The following F2 variants were observed in gnomAD, a reference collection of about 807,000 sequenced individuals.
F2 encodes prothrombin.
A neutral mutation model predicts 81.9 loss-of-function variants in F2; 34 were observed. That is an observed-to-expected ratio of 0.42 (90% CI 0.32 to 0.55). The LOEUF (loss-of-function observed/expected upper bound fraction) is 0.55, where lower values mean the gene tolerates loss of function less well. Ranked by LOEUF, F2 falls within the 20% of genes least tolerant of loss-of-function variation. The pLI is 0.18. For missense variants in F2, 630 were observed against 833.4 expected (o/e 0.76, Z 3.00); for synonymous variants, 296 against 326.4 (o/e 0.91, Z 1.01).
chr11:46,721,168 C>CA (rs904767518), intron 4 of F2, among the ~76,000 whole-genome samples: 25 of 151,420 alleles, frequency 1.7e-4, no homozygotes, highest in African/African-American at 5.8e-4. Flanking sequence ...CTCAACCTCC[C>CA]AAGTAGCTGG....
chr11:46,719,938 C>A lies in F2; in HGVS notation c.240+76C>A. On this transcript the variant is annotated intron_variant, in intron 2 of 13. Transcript: ENST00000311907. The surrounding 1 kb of genome is among the most constrained non-coding windows in gnomAD (Gnocchi z 4.7). ...CTAGACACTTCCACAGAGAAGCAAG[C>A]GAGGAACGCCACAGCCCCTTCGCTG... 3 of 1,518,082 alleles carry A rather than the reference C, an allele frequency of 2.0e-6. No individual in the cohort carries two copies. The highest frequency in any genetic ancestry group is 2.7e-6 in the Non-Finnish European group (3 of 1,129,308). The allele number at this position is 1,518,082 out of a possible 1,614,324, so 94.0% of individuals were successfully genotyped here. A position where few individuals can be genotyped will look rare whatever the true frequency, so the allele number is the denominator to read the frequency against.
At chr11:46,731,314 G>A (rs1369146693) in intron 12 of F2, among the ~76,000 whole-genome samples, 1 of 150,872 alleles carries the variant, frequency 6.6e-6, no homozygotes, top group Non-Finnish European at 1.5e-5. Flanking sequence ...GGAATTACAG[G>A]TGCCTGCCAC....
rs763811997 is a variant in F2, at chr11:46,719,285, C to T, written c.50C>T (p.Ala17Val). The change falls in exon 1 of 14, where the codon GCC becomes GTC. Residue 17 changes from alanine (A) to valine (V), a missense_variant. Physicochemically the swap from Ala to Val is moderately conservative, Grantham distance 64. Transcript: ENST00000311907. This position sits in a 1 kb window ranked among gnomAD's most constrained non-coding sequence, Gnocchi z 4.7. ...LQLPGCLALA[A>V]LCSLVHSQHV... ...CTGCCTGGCTGCCTGGCCCTGGCTGCCCTGTGTAGCCTTGTGCACAGCCAG... is the reference window on the plus strand; with the variant it reads ...CTGCCTGGCTGCCTGGCCCTGGCTGTCCTGTGTAGCCTTGTGCACAGCCAG... 3 of 1,613,410 alleles carry T rather than the reference C, an allele frequency of 1.9e-6. No individual in the cohort carries two copies. Among genetic ancestry groups the T allele is most frequent in the South Asian group, 1.1e-5 (1 of 91,026 alleles).
chr11:46,725,614 G>A (rs1249049240), intron 6 of F2, among the ~76,000 whole-genome samples: 1 of 152,078 alleles, frequency 6.6e-6, no homozygotes, highest in Non-Finnish European at 1.5e-5. Context: ...GGCCAAACCT[G>A]GTTACTATCT....
rs2134528442 is a variant in F2 at position 46,723,590 on chromosome 11, G to A, written c.559+72G>A. On this transcript the variant is annotated intron_variant, in intron 6 of 13. Transcript: ENST00000311907. The surrounding 1 kb of genome is among the most constrained non-coding windows in gnomAD (Gnocchi z 5.6). ...TCATGGGGCCTGGCAGCCTGGGATG[G>A]GAACCAAGAATACTGGCTACCCAGG... 6.5e-7 allele frequency: 1 copy of A among 1,536,224 alleles called. No individual in the cohort carries two copies. The highest frequency in any genetic ancestry group is 8.8e-7 in the Non-Finnish European group (1 of 1,133,882).
chr11:46,723,517 TG>T lies in F2; in HGVS notation c.559+1del. On this transcript the variant is annotated frameshift_variant and splice_region_variant, in exon 6 of 14. Coordinates refer to ENST00000311907, the MANE Select transcript of F2 (RefSeq NM_000506.5). LOFTEE classifies it high-confidence loss of function. The surrounding 1 kb of genome is among the most constrained non-coding windows in gnomAD (Gnocchi z 5.6). ...GGCAGGAATGCAGCATCCCTGTCTG[TG>T]GTAAGCTGGGGGCAGTGGGGCGGCC... ...RRQECSIPVC[G>X]QDQVTVAMTP... 6.2e-7 allele frequency: 1 copy of T among 1,611,046 alleles called. No homozygotes were observed. The highest frequency in any genetic ancestry group is 8.5e-7 in the Non-Finnish European group (1 of 1,178,574).
In F2 at chr11:46,720,798, A is replaced by T; in HGVS notation, c.274A>T (p.Thr92Ser). 1 of 1,614,062 alleles carries T rather than the reference A, an allele frequency of 6.2e-7. No individual in the cohort carries two copies. The highest frequency in any genetic ancestry group is 1.6e-4 in the Middle Eastern group (1 of 6,062). ...VFWAKYTACE[T>S]ARTPRDKLAA... ...ACCTGGGTCTTTTCCAGCTTGTGAGACAGCGAGGACGCCTCGAGATAAGCT... is the reference window on the plus strand; with the variant it reads ...ACCTGGGTCTTTTCCAGCTTGTGAGTCAGCGAGGACGCCTCGAGATAAGCT... The change falls in exon 4 of 14, where the codon ACA (threonine) becomes TCA (serine). Residue 92 changes from threonine to serine, a missense_variant. Physicochemically the swap from Thr to Ser is moderately conservative, Grantham distance 58 (BLOSUM62 1). Coordinates refer to ENST00000311907, the MANE Select transcript of F2 (RefSeq NM_000506.5).
At chr11:46,739,228 A>C in intron 13 of F2, 37 bp from the exon 14 acceptor site, 1 of 1,613,740 alleles carries the variant, frequency 6.2e-7, no homozygotes, top group Non-Finnish European at 8.5e-7. Context: ...GTGACCTTGA[A>C]CTTGACTCTA....
chr11:46,738,155 C>T (rs1230606445), intron 12 of F2, among the ~76,000 whole-genome samples: 1 of 152,082 alleles, frequency 6.6e-6, no homozygotes, highest in Non-Finnish European at 1.5e-5. Flanking sequence ...CGCACACCAA[C>T]ATGTCTGGCT....
In F2 at chr11:46,719,725, C is replaced by G. The variant is rs144785536; in HGVS notation, c.103C>G (p.Arg35Gly). The G allele has an allele frequency of 6.3e-7, 1 of 1,594,018 alleles. No individual in the cohort carries two copies. The highest frequency in any genetic ancestry group is 8.5e-7 in the Non-Finnish European group (1 of 1,171,732). Residue 35 changes from arginine to glycine, a missense_variant, in exon 2 of 14, where the codon CGG becomes GGG. Physicochemically the swap from Arg to Gly is moderately radical, Grantham distance 125 (BLOSUM62 -2). Coordinates refer to ENST00000311907, the MANE Select transcript of F2 (RefSeq NM_000506.5). The surrounding 1 kb of genome is among the most constrained non-coding windows in gnomAD (Gnocchi z 4.7). ...QHVFLAPQQA[R>G]SLLQRVRRAN... is the part of the protein sequence containing the mutation. The stretch of plus-strand genomic sequence containing the variant: ...AGTGTTCCTGGCTCCTCAGCAAGCA[C>G]GGTCGCTGCTCCAGCGGGTCCGGCG...
chr11:46,733,851 C>G (rs539309248), intron 12 of F2, among the ~76,000 whole-genome samples: 1 of 135,880 alleles, frequency 7.4e-6, no homozygotes, highest in Non-Finnish European at 1.5e-5. Flanking sequence ...TGCAATGGCA[C>G]GATTTTGGCT....
Position 46,728,752 on chromosome 11 carries a change from A to G in F2, c.1387A>G (p.Ile463Val), listed in dbSNP as rs888369875. 6 of 1,614,106 alleles carry G rather than the reference A, an allele frequency of 3.7e-6. No individual in the cohort carries two copies. The highest frequency in any genetic ancestry group is 4.2e-6 in the Non-Finnish European group (5 of 1,180,038). The change falls in exon 11 of 14, where the codon ATT (isoleucine) becomes GTT (valine). Residue 463 changes from isoleucine to valine, a missense_variant. By Grantham distance (29) the Ile-to-Val change is conservative. Coordinates refer to ENST00000311907, the MANE Select transcript of F2 (RefSeq NM_000506.5). This position sits in a 1 kb window ranked among gnomAD's most constrained non-coding sequence, Gnocchi z 5.1. Reference protein sequence around the residue: ...YNWRENLDRDIALMKLKKPVA... With the variant: ...YNWRENLDRDVALMKLKKPVA... ...CTGGCGGGAGAACCTGGACCGGGAC[A>G]TTGCCCTGATGAAGCTGAAGAAGCC...
intron 12 of F2, among the ~76,000 whole-genome samples, chr11:46,738,245 C>T (rs781721942): frequency 2.6e-5 from 4 of 151,828 alleles, no homozygotes; most frequent in East Asian, 1.9e-4. Flanking sequence ...ATGATCCGCC[C>T]GCCTTGGCCT....
In F2 at chr11:46,726,672, G is replaced by A. The variant is rs1565704098; in HGVS notation, c.1004-39G>A. 6.2e-7 allele frequency: 1 copy of A among 1,613,738 alleles called. No individual in the cohort carries two copies. On this transcript the variant is annotated intron_variant, in intron 8 of 13. Transcript: ENST00000311907. This position sits in a 1 kb window ranked among gnomAD's most constrained non-coding sequence, Gnocchi z 5.9. ...GGGGATGCGGGGCTGCGGGGCTGGT[G>A]GCCAGGACTTGCCCCTCACTGCTTG...
intron 11 of F2, 61 bp from the exon 12 acceptor site, chr11:46,729,319 T>C (rs569138951): frequency 8.9e-6 from 14 of 1,569,200 alleles, no homozygotes; most frequent in African/African-American, 5.4e-5. Context: ...AGAAATGGCG[T>C]TGGGGCCAGG....
rs772316448 is a variant in F2, at chr11:46,728,626, C to A, written c.1299-38C>A. The stretch of plus-strand genomic sequence containing the variant: ...AGTTTCCTGCTCCTTGCTGGGTGAA[C>A]CTGCAGCTTCTCCATTTCTTTCTTG... On this transcript the variant is annotated intron_variant, in intron 10 of 13. Transcript: ENST00000311907. This position sits in a 1 kb window ranked among gnomAD's most constrained non-coding sequence, Gnocchi z 5.1. 6.2e-7 allele frequency: 1 copy of A among 1,610,600 alleles called. No homozygotes were observed. The highest frequency in any genetic ancestry group is 2.2e-5 in the East Asian group (1 of 44,870).
At chr11:46,721,309 G>T (rs563024886) in intron 4 of F2, among the ~76,000 whole-genome samples, 66 of 152,268 alleles carry the variant, frequency 4.3e-4, no homozygotes, top group Non-Finnish European at 6.9e-4. Flanking sequence ...CAAAGTGCTG[G>T]GATTATAGAA....
Position 46,719,730 on chromosome 11 carries a change from G to C in F2, c.108G>C (p.Ser36=). The C allele has an allele frequency of 6.3e-6, 10 of 1,594,960 alleles. No homozygotes were observed. The highest frequency in any genetic ancestry group is 7.7e-6 in the Non-Finnish European group (9 of 1,172,118). ...TCCTGGCTCCTCAGCAAGCACGGTC[G>C]CTGCTCCAGCGGGTCCGGCGAGCCA... The part of the protein sequence containing the change: ...HVFLAPQQAR[S]LLQRVRRANT... The change falls in exon 2 of 14, where the codon TCG becomes TCC. Residue 36 remains serine, a synonymous_variant. Coordinates refer to ENST00000311907, the MANE Select transcript of F2 (RefSeq NM_000506.5). The surrounding 1 kb of genome is among the most constrained non-coding windows in gnomAD (Gnocchi z 4.7).
Position 46,729,407 on chromosome 11 carries a change from G to C in F2, c.1500G>C (p.Arg500=), listed in dbSNP as rs1218112310. 2 of 1,614,006 alleles carry C rather than the reference G, an allele frequency of 1.2e-6. No homozygotes were observed. Among genetic ancestry groups the C allele is most frequent in the Non-Finnish European group, 1.7e-6 (2 of 1,180,010 alleles). Residue 500 remains arginine, a synonymous_variant, in exon 12 of 14, where the codon CGG becomes CGC. Coordinates refer to ENST00000311907, the MANE Select transcript of F2 (RefSeq NM_000506.5). ...ASLLQAGYKG[R]VTGWGNLKET... ...TGCTCCAGGCTGGATACAAGGGGCGGGTGACAGGCTGGGGCAACCTGAAGG... is the reference window on the plus strand; with the variant it reads ...TGCTCCAGGCTGGATACAAGGGGCGCGTGACAGGCTGGGGCAACCTGAAGG...
Sources: gnomAD v4.1 joint callset for allele counts (sites outside exome capture counted in the v4.1 genomes callset) on GRCh38, gnomAD v4.1.1 for gene constraint, Gnocchi (gnomAD v3.1) non-coding constraint, MANE v1.5 for transcripts, NCBI Gene and HGNC (gene_info 2026-07-23, HGNC 2026-07-21) for gene names.